Variants in QRICH2 observed in about 807,000 individuals in gnomAD.
The protein encoded by QRICH2 is glutamine rich 2, also known as glutamine-rich protein 2.
A neutral mutation model predicts 168.3 loss-of-function variants in QRICH2; 119 were observed. That is an observed-to-expected ratio of 0.71 (90% CI 0.61 to 0.82). QRICH2 has a LOEUF of 0.82. QRICH2 is among the 40% of genes least tolerant of loss of function. The pLI, the probability that QRICH2 is intolerant of heterozygous loss-of-function variation, is 0.00. For synonymous variants in QRICH2, 894 were observed against 951.2 expected (o/e 0.94, Z 1.11); for missense variants, 2,241 against 2,491.6 (o/e 0.90, Z 2.14).
In QRICH2 at chr17:76,291,886, A is replaced by G. The variant is rs2071000116; in HGVS notation, c.2841T>C (p.Tyr947=). The G allele has an allele frequency of 6.2e-7, 1 of 1,614,170 alleles. No homozygotes were observed. Reference sequence around the variant, plus strand: ...TCCCAGATTGAGATAAATCATGCAAATATGCACCAGGTTGTACCAAACCAA... The same window carrying G: ...TCCCAGATTGAGATAAATCATGCAAGTATGCACCAGGTTGTACCAAACCAA... ...YPLGLVQPGA[Y]LHDLSQSGTY... The change falls in exon 4 of 19, where the codon TAT becomes TAC. Residue 947 remains tyrosine (Y), a synonymous_variant. Transcript: ENST00000680821.
At chr17:76,277,938 AGCCTGGTCACTGGGT>A in intron 15 of QRICH2, 36 bp downstream of exon 15, 2 of 1,588,520 alleles carry the variant, frequency 1.3e-6, no homozygotes, top group Non-Finnish European at 1.7e-6. Flanking sequence ...GCAGAAGCCA[AGCCTGGTCACTGGGT>A]GCCTGCTCCC....
rs556387134 is a variant in QRICH2 at position 76,282,065 on chromosome 17, C to T, written c.4062G>A (p.Thr1354=). The change falls in exon 8 of 19, where the codon ACG becomes ACA. Residue 1354 remains threonine, a synonymous_variant. Coordinates refer to ENST00000680821, the MANE Select transcript of QRICH2 (RefSeq NM_001388453.1). ...GCGGGGCCATGCTCATGGACAGGAG[C>T]GTGGAGGAGGAGGTCAGCATGCTCT... The part of the protein sequence containing the change: ...IIESMLTSSS[T]LLSMSMAPHK... 14 of 1,612,104 alleles carry T rather than the reference C, an allele frequency of 8.7e-6. No individual in the cohort carries two copies. Among genetic ancestry groups the T allele is most frequent in the African/African-American group, 2.7e-5 (2 of 75,032 alleles).
chr17:76,299,831 C>G (rs959418661), intron 3 of QRICH2, among the ~76,000 whole-genome samples: 5 of 151,632 alleles, frequency 3.3e-5, no homozygotes, highest in Admixed American at 2.6e-4. Flanking sequence ...TAAAGCCAAA[C>G]CTTTTTTTTT....
At chr17:76,279,992 G>T in intron 12 of QRICH2, 41 bp downstream of exon 12, 1 of 1,566,702 alleles carries the variant, frequency 6.4e-7, no homozygotes, top group South Asian at 1.2e-5. Flanking sequence ...CTCACCCCCT[G>T]AAGAGCGTGC....
At position 76,276,727 on chromosome 17, in the gene QRICH2, T is replaced by C; in HGVS notation, c.5306A>G (p.Tyr1769Cys). The C allele has an allele frequency of 6.2e-7, 1 of 1,613,744 alleles. No homozygotes were observed. Among genetic ancestry groups the C allele is most frequent in the South Asian group, 1.1e-5 (1 of 91,082 alleles). Reference sequence around the variant, plus strand: ...CAGCCTTGTGTCCATCCGTCCCTTGTAAATGTGGCCATCCAGGCCCAAGAT... The same window carrying C: ...CAGCCTTGTGTCCATCCGTCCCTTGCAAATGTGGCCATCCAGGCCCAAGAT... ...VDILGLDGHI[Y>C]KGRMDTRLPG... Residue 1769 changes from tyrosine (Y) to cysteine (C), a missense_variant, in exon 17 of 19, where the codon TAC becomes TGC. By Grantham distance (194) the Tyr-to-Cys change is radical. Transcript: ENST00000680821.
In QRICH2 at chr17:76,301,984, C is replaced by A. The variant is rs138405348; in HGVS notation, c.705+2431G>T. Among the ~76,000 whole-genome samples, 16 of 151,248 alleles carry A rather than the reference C, an allele frequency of 1.1e-4. No individual in the cohort carries two copies. In the East Asian group the frequency reaches 2.9e-3, roughly 28 times the overall value. ...GCACGATCTTAGCTCACTGCAACTTCGTTTCCCGGGTTCAAATGATTTTCC... is the reference window on the plus strand; with the variant it reads ...GCACGATCTTAGCTCACTGCAACTTAGTTTCCCGGGTTCAAATGATTTTCC... On this transcript the variant is annotated intron_variant, in intron 3 of 18. Transcript: ENST00000680821.
At chr17:76,282,380 C>T (rs1337841998) in intron 7 of QRICH2, among the ~76,000 whole-genome samples, 1 of 152,230 alleles carries the variant, frequency 6.6e-6, no homozygotes, top group Non-Finnish European at 1.5e-5. Flanking sequence ...CCAGCCAGCC[C>T]ACCAGCTCAG....
At chr17:76,302,261 A>C (rs2070917370) in intron 3 of QRICH2, among the ~76,000 whole-genome samples, 1 of 151,900 alleles carries the variant, frequency 6.6e-6, no homozygotes, top group African/African-American at 2.4e-5. Context: ...GATGCCCTTA[A>C]TGAAAACTGT....
At chr17:76,279,520 C>T (rs1415454983) in intron 12 of QRICH2, 92 bp from the exon 13 acceptor site, 8 of 941,864 alleles carry the variant, frequency 8.5e-6, no homozygotes, top group Non-Finnish European at 1.3e-5. Flanking sequence ...AAGCTCAGCC[C>T]ACCAGGGTGC....
At chr17:76,275,686 C>T in intron 18 of QRICH2, 133 bp downstream of exon 18, 1 of 1,194,958 alleles carries the variant, frequency 8.4e-7, no homozygotes, top group Non-Finnish European at 1.1e-6. Flanking sequence ...TTCCTCTTTT[C>T]CACACCCATC....
upstream of QRICH2, among the ~76,000 whole-genome samples, chr17:76,308,989 G>C (rs369897932): frequency 3.3e-5 from 5 of 150,088 alleles, no homozygotes; most frequent in South Asian, 4.3e-4. Context: ...TCAAGTGATC[G>C]ACCCACCTCG....
chr17:76,291,182 G>A lies in QRICH2; in HGVS notation c.3545C>T (p.Ser1182Leu). The change falls in exon 4 of 19, where the codon TCA becomes TTA. Residue 1182 changes from serine (S) to leucine (L), a missense_variant. Coordinates refer to ENST00000680821, the MANE Select transcript of QRICH2 (RefSeq NM_001388453.1). Reference protein sequence around the residue: ...SSEVLSERRNSLRRMSSSFPT... With the variant: ...SSEVLSERRNLLRRMSSSFPT... ...GAAACTAGAACTCATTCTACGCAGT[G>A]AATTGCGTCGCTCACTCAGGACTTC... is the stretch of plus-strand genomic sequence containing the variant. 2 of 1,614,134 alleles carry A rather than the reference G, an allele frequency of 1.2e-6. No homozygotes were observed. The highest frequency in any genetic ancestry group is 1.7e-6 in the Non-Finnish European group (2 of 1,180,018).
In QRICH2 at chr17:76,280,823, C is replaced by T. The variant is rs2070774432; in HGVS notation, c.4386+8G>A. 1 of 1,613,868 alleles carries T rather than the reference C, an allele frequency of 6.2e-7. No homozygotes were observed. Among genetic ancestry groups the T allele is most frequent in the Non-Finnish European group, 8.5e-7 (1 of 1,180,018 alleles). On this transcript the variant is annotated splice_region_variant and intron_variant, in intron 9 of 18. Coordinates refer to ENST00000680821, the MANE Select transcript of QRICH2 (RefSeq NM_001388453.1). The surrounding 1 kb of genome is among the most constrained non-coding windows in gnomAD (Gnocchi z 7.4). ...CGGCCCCATCCCAGCCACCCTGCGG[C>T]CGCTCACAGCAATGTCCTTCTGTTT...
rs779215727 is a variant in QRICH2 at position 76,281,816 on chromosome 17, G to A, written c.4263+48C>T. On this transcript the variant is annotated intron_variant, in intron 8 of 18. Transcript: ENST00000680821. This position sits in a 1 kb window ranked among gnomAD's most constrained non-coding sequence, Gnocchi z 4.4. Reference sequence around the variant, plus strand: ...GTCTGCAGCAGGGTGGCCCTCCTCTGTGGGGCCATGTCCAGTTGCAGCAGG... The same window carrying A: ...GTCTGCAGCAGGGTGGCCCTCCTCTATGGGGCCATGTCCAGTTGCAGCAGG... 6.3e-7 allele frequency: 1 copy of A among 1,597,016 alleles called. No individual in the cohort carries two copies. The highest frequency in any genetic ancestry group is 1.3e-5 in the African/African-American group (1 of 74,698).
In QRICH2 at chr17:76,292,494, C is replaced by T; in HGVS notation, c.2233G>A (p.Ala745Thr). Reference sequence around the variant, plus strand: ...GGGACCAAACCACGCTGATGATCTGCACGAGGTTGTGCCAAACCACGCTGA... The same window carrying T: ...GGGACCAAACCACGCTGATGATCTGTACGAGGTTGTGCCAAACCACGCTGA... ...VDQRGLAQPR[A>T]DHQRGLVPPG... Residue 745 changes from alanine (A) to threonine (T), a missense_variant, in exon 4 of 19, where the codon GCA becomes ACA. Around this residue, in one of 3 missense-constraint regions of QRICH2, gnomAD observed 2,047 missense variants for 2,303.8 expected, o/e 0.89. Coordinates refer to ENST00000680821, the MANE Select transcript of QRICH2 (RefSeq NM_001388453.1). 2 of 1,565,082 alleles carry T rather than the reference C, an allele frequency of 1.3e-6. No individual in the cohort carries two copies. The highest frequency in any genetic ancestry group is 1.7e-6 in the Non-Finnish European group (2 of 1,148,294).
chr17:76,276,819 T>C, intron 16 of QRICH2, 52 bp from the exon 17 acceptor site: 1 of 1,406,412 alleles, frequency 7.1e-7, no homozygotes, highest in Non-Finnish European at 1.0e-6. Context: ...AGCCCTCCCC[T>C]GGCCCCTTCA....
chr17:76,275,903 C>T lies in QRICH2; in HGVS notation c.5398G>A (p.Val1800Met), dbSNP rs767196753. 40 of 1,609,002 alleles carry T rather than the reference C, an allele frequency of 2.5e-5. No individual in the cohort carries two copies. Among genetic ancestry groups the T allele is most frequent in the Non-Finnish European group, 2.9e-5 (34 of 1,179,936 alleles). ...KRKSQQPRPH[V>M]HRPPSLSSNG... ...CTGCTGAGGGATGGCGGCCTGTGCACGTGGGGCCTGGGCTGCTGGGACTTG... is the reference window on the plus strand; with the variant it reads ...CTGCTGAGGGATGGCGGCCTGTGCATGTGGGGCCTGGGCTGCTGGGACTTG... Residue 1800 changes from valine to methionine, a missense_variant, in exon 18 of 19, where the codon GTG becomes ATG. Val to Met is a conservative substitution (Grantham distance 21). Coordinates refer to ENST00000680821, the MANE Select transcript of QRICH2 (RefSeq NM_001388453.1).
At position 76,292,906 on chromosome 17, in the gene QRICH2, C is replaced by A; in HGVS notation, c.1821G>T (p.Gln607His). 6.2e-7 allele frequency: 1 copy of A among 1,611,892 alleles called. No homozygotes were observed. Among genetic ancestry groups the A allele is most frequent in the Non-Finnish European group, 8.5e-7 (1 of 1,179,562 alleles). Residue 607 changes from glutamine to histidine, a missense_variant, in exon 4 of 19, where the codon CAG becomes CAT. By Grantham distance (24) the Gln-to-His change is conservative. Transcript: ENST00000680821. ...CTGCACCAGGTTGGGCCAAACCAGA[C>A]TGATCCATTCCAGGCCGGACCAAAC... is the stretch of plus-strand genomic sequence containing the variant. Reference protein sequence around the residue: ...QRGLVRPGMDQSGLAQPGADQ... With the variant: ...QRGLVRPGMDHSGLAQPGADQ...
chr17:76,278,050 TG>T lies in QRICH2; in HGVS notation c.5055del (p.Ser1686AlafsTer4). 3 of 1,613,978 alleles carry T rather than the reference TG, an allele frequency of 1.9e-6. No individual in the cohort carries two copies. Among genetic ancestry groups the T allele is most frequent in the Non-Finnish European group, 2.5e-6 (3 of 1,180,038 alleles). On this transcript the variant is annotated frameshift_variant, in exon 15 of 19. Coordinates refer to ENST00000680821, the MANE Select transcript of QRICH2 (RefSeq NM_001388453.1). LOFTEE classifies it high-confidence loss of function. ...VQIHFGGSTK[A>X]SSQIIRELLH... ...AGCAGCTCGCGGATTATCTGGCTGC[TG>T]GCCTTGGTGGAGCCCCCGAAGTGGA... is the stretch of plus-strand genomic sequence containing the variant.
Sources: gnomAD v4.1 joint callset for allele counts (sites outside exome capture counted in the v4.1 genomes callset) on GRCh38, gnomAD v4.1.1 for gene constraint, gnomAD v4.1.1 regional missense constraint, Gnocchi (gnomAD v3.1) non-coding constraint, MANE v1.5 for transcripts, NCBI Gene and HGNC (gene_info 2026-07-23, HGNC 2026-07-21) for gene names.